The following PTPDC1 variants were observed in gnomAD, a reference collection of about 807,000 sequenced individuals.
The protein encoded by PTPDC1 is protein tyrosine phosphatase domain-containing protein 1.
In PTPDC1, 53 loss-of-function variants were observed where a neutral mutation model predicts 75.3. The ratio of observed to expected loss-of-function variants is 0.70; its 90% CI spans 0.56 to 0.88. The LOEUF (loss-of-function observed/expected upper bound fraction) is 0.88. Among genes scored for constraint, PTPDC1 ranks in the 40% least tolerant of loss-of-function variants. PTPDC1 has a pLI of 0.00. For missense variants in PTPDC1, 925 were observed against 998.6 expected, an observed-to-expected ratio of 0.93 and a Z score of 0.99; for synonymous variants, 349 against 366.2, an observed-to-expected ratio of 0.95 and a Z score of 0.54.
chr9:94,033,859 A>G (rs1215532675), intron 1 of PTPDC1, among the ~76,000 whole-genome samples: 1 of 152,226 alleles, frequency 6.6e-6, no homozygotes, highest in Non-Finnish European at 1.5e-5. Context: ...TTGCTGAGAA[A>G]ACTAAGGGCA....
At chr9:94,067,248 A>T (rs919378600) in intron 2 of PTPDC1, among the ~76,000 whole-genome samples, 1 of 151,828 alleles carries the variant, frequency 6.6e-6, no homozygotes, top group Non-Finnish European at 1.5e-5. Flanking sequence ...AAATTAGCCG[A>T]GCATGGTGGC....
chr9:94,068,702 C>G (rs1826405834), intron 2 of PTPDC1, among the ~76,000 whole-genome samples: 1 of 152,110 alleles, frequency 6.6e-6, no homozygotes, highest in Non-Finnish European at 1.5e-5. Flanking sequence ...TGTTTCTTGC[C>G]TGAATTAATT....
Position 94,108,505 on chromosome 9 carries a change from T to G in PTPDC1, c.*561T>G, listed in dbSNP as rs984687678. The G allele has an allele frequency of 6.6e-6, 1 of 152,666 alleles. No homozygotes were observed. The highest frequency in any genetic ancestry group is 1.5e-5 in the Non-Finnish European group (1 of 68,036). 9.5% of individuals were successfully genotyped at this position (152,666 alleles called of 1,614,324 possible). ...TTGTTTTTCCTTTTCTTTTTATAAA[T>G]GTAACAGAGGGTTTCAAAGCATATT... On this transcript the variant is annotated 3_prime_UTR_variant, in exon 9 of 9. Coordinates refer to ENST00000620992, the MANE Select transcript of PTPDC1 (RefSeq NM_001253829.2).
At chr9:94,082,472 T>C (rs1180370670), upstream of PTPDC1, among the ~76,000 whole-genome samples, 1 of 152,272 alleles carries the variant, frequency 6.6e-6, no homozygotes, top group African/African-American at 2.4e-5. Flanking sequence ...CAGTACTCAC[T>C]GGTACATTTT....
chr9:94,040,239 G>C (rs140506945), intron 1 of PTPDC1, among the ~76,000 whole-genome samples: 8 of 152,292 alleles, frequency 5.3e-5, no homozygotes, highest in African/African-American at 1.9e-4. Context: ...ACATTAATGA[G>C]TGACTCCATT....
chr9:94,097,852 G>T lies in PTPDC1; in HGVS notation c.1286G>T (p.Arg429Met). 1 of 1,614,180 alleles carries T rather than the reference G, an allele frequency of 6.2e-7. No homozygotes were observed. The highest frequency in any genetic ancestry group is 1.1e-5 in the South Asian group (1 of 91,078). The change falls in exon 6 of 9, where the codon AGG becomes ATG. Residue 429 changes from arginine to methionine, a missense_variant. Coordinates refer to ENST00000620992, the MANE Select transcript of PTPDC1 (RefSeq NM_001253829.2). ...CAACAGTTTGACCCTCTTTGGAAAA[G>T]GCGGAATGTTGAGTGCCTTCAACCC... is the stretch of plus-strand genomic sequence containing the variant. The part of the protein sequence containing the change: ...NEQQFDPLWK[R>M]RNVECLQPLT...
intron 1 of PTPDC1, among the ~76,000 whole-genome samples, chr9:94,052,195 A>G (rs1825812744): frequency 6.6e-6 from 1 of 152,150 alleles, no homozygotes; most frequent in Non-Finnish European, 1.5e-5. Flanking sequence ...AGTTCAAAAT[A>G]TTTTTAAATT....
chr9:94,048,725 T>C (rs1304796686), intron 1 of PTPDC1, among the ~76,000 whole-genome samples: 4 of 152,216 alleles, frequency 2.6e-5, no homozygotes, highest in Non-Finnish European at 5.9e-5. Flanking sequence ...TTAGGTCTGC[T>C]TGGTGCAGAG....
In PTPDC1 at chr9:94,104,268, A is replaced by G. The variant is rs1827939675; in HGVS notation, c.2200-7A>G. On this transcript the variant is annotated splice_region_variant and splice_polypyrimidine_tract_variant and intron_variant, in intron 7 of 8. Transcript: ENST00000620992. ...AATTTTTTAAATTTTGATTTCTACA[A>G]AAACAGGGACAGCACCAGACTATTC... The G allele has an allele frequency of 6.3e-7, 1 of 1,591,288 alleles. No individual in the cohort carries two copies. Among genetic ancestry groups the G allele is most frequent in the Non-Finnish European group, 8.6e-7 (1 of 1,164,212 alleles).
At chr9:94,094,213 T>G (rs1225110888) in intron 4 of PTPDC1, among the ~76,000 whole-genome samples, 1 of 152,126 alleles carries the variant, frequency 6.6e-6, no homozygotes, top group African/African-American at 2.4e-5. Flanking sequence ...TTTGTGGTTT[T>G]ATCTACTTTT....
At chr9:94,050,268 C>T (rs1478910401) in intron 1 of PTPDC1, among the ~76,000 whole-genome samples, 1 of 152,156 alleles carries the variant, frequency 6.6e-6, no homozygotes, top group Non-Finnish European at 1.5e-5. Context: ...GAGCTGTGTT[C>T]CTTTGGAGGA....
rs775652645 is a variant in PTPDC1 at position 94,097,399 on chromosome 9, G to A, written c.833G>A (p.Arg278Gln). ...DQAIIFVRAK[R>Q]PNSIQTRGQL... ...GCAATTATATTTGTGCGGGCAAAGC[G>A]ACCCAATTCCATACAAACCAGAGGA... The change falls in exon 6 of 9, where the codon CGA becomes CAA. Residue 278 changes from arginine to glutamine, a missense_variant. Physicochemically the swap from Arg to Gln is conservative, Grantham distance 43 (BLOSUM62 1). Coordinates refer to ENST00000620992, the MANE Select transcript of PTPDC1 (RefSeq NM_001253829.2). 5.0e-6 allele frequency: 8 copies of A among 1,614,042 alleles called. No homozygotes were observed. In the Admixed American group the frequency reaches 6.7e-5, roughly 13 times the overall value.
At position 94,060,157 on chromosome 9, in the gene PTPDC1, G is replaced by A. The variant is rs370117089; in HGVS notation, c.-6-4577G>A. ...TGGGAAGCTATATATCAGAAGTGAG[G>A]GGAGCATGATCACTAGCTTTAGATA... On this transcript the variant is annotated intron_variant, in intron 1 of 9. Transcript: ENST00000375360. Among the ~76,000 whole-genome samples, 10 of 152,298 alleles carry A rather than the reference G, an allele frequency of 6.6e-5. No homozygotes were observed. In the East Asian group the frequency reaches 1.3e-3, roughly 21 times the overall value.
Position 94,063,073 on chromosome 9 carries a change from C to A in PTPDC1, c.-6-1661C>A, listed in dbSNP as rs1402766599. Among the ~76,000 whole-genome samples the A allele has an allele frequency of 2.6e-5, 4 of 152,140 alleles. No individual in the cohort carries two copies. The East Asian group carries it at 7.7e-4, about 29-fold the overall frequency. On this transcript the variant is annotated intron_variant, in intron 1 of 9. Coordinates refer to the PTPDC1 transcript ENST00000375360. Reference sequence around the variant, plus strand: ...ATAGCTGAAGAGCAAAGAGTGAGGGCAGGGAAAGCTTCACAAAAAAAGTGA... The same window carrying A: ...ATAGCTGAAGAGCAAAGAGTGAGGGAAGGGAAAGCTTCACAAAAAAAGTGA...
At chr9:94,032,026 C>T (rs1829738153) in intron 1 of PTPDC1, among the ~76,000 whole-genome samples, 1 of 152,178 alleles carries the variant, frequency 6.6e-6, no homozygotes, top group Admixed American at 6.5e-5. Context: ...ATTTGATCTC[C>T]ACAACAAAGT....
intron 1 of PTPDC1, among the ~76,000 whole-genome samples, chr9:94,040,404 T>TG (rs1238869867): frequency 2.0e-5 from 3 of 152,238 alleles, no homozygotes; most frequent in African/African-American, 7.2e-5. Context: ...GTCTTATTCC[T>TG]GTTTTAAGAT....
Position 94,098,132 on chromosome 9 carries a change from A to C in PTPDC1, c.1566A>C (p.Lys522Asn), listed in dbSNP as rs746498075. ...QSKFGGLEGL[K>N]DNGSPIFHGR... is the part of the protein sequence containing the mutation. ...AGTTTGGAGGCCTGGAAGGACTCAA[A>C]GATAATGGGTCACCAATTTTCCATG... Residue 522 changes from lysine (K) to asparagine (N), a missense_variant, in exon 6 of 9, where the codon AAA becomes AAC. By Grantham distance (94) the Lys-to-Asn change is moderately conservative (BLOSUM62 0). Coordinates refer to ENST00000620992, the MANE Select transcript of PTPDC1 (RefSeq NM_001253829.2). 6.2e-7 allele frequency: 1 copy of C among 1,614,260 alleles called. No individual in the cohort carries two copies.
At chr9:94,081,301 T>C (rs376999570), upstream of PTPDC1, among the ~76,000 whole-genome samples, 13 of 152,316 alleles carry the variant, frequency 8.5e-5, no homozygotes, top group East Asian at 2.5e-3. Flanking sequence ...AGGAAAAATA[T>C]TATTTGTAAC....
intron 2 of PTPDC1, among the ~76,000 whole-genome samples, chr9:94,071,956 A>G (rs572071419): frequency 2.6e-5 from 4 of 152,218 alleles, no homozygotes; most frequent in African/African-American, 9.6e-5. Context: ...TTTTAAGTTT[A>G]TACTTAAGTA....
Sources: allele counts gnomAD v4.1 joint callset (sites outside exome capture counted in the v4.1 genomes callset), GRCh38; gene constraint gnomAD v4.1.1; transcripts MANE v1.5; gene names NCBI Gene and HGNC (gene_info 2026-07-23, HGNC 2026-07-21).